The following GABRB3 variants were observed in gnomAD, a reference collection of about 807,000 sequenced individuals.
GABRB3 encodes gamma-aminobutyric acid receptor subunit beta-3.
In GABRB3, 14 loss-of-function variants were observed where a neutral mutation model predicts 52.1. That is an observed-to-expected ratio of 0.27 (90% CI 0.18 to 0.42). The LOEUF is 0.42. GABRB3 is among the 10% of genes least tolerant of loss of function. GABRB3 has a pLI of 1.00. For synonymous variants in GABRB3, 260 were observed against 232.3 expected (o/e 1.12, Z -1.08); for missense variants, 307 against 609.1 (o/e 0.50, Z 5.22).
At chr15:26,595,476 T>A (rs1183660973) in intron 4 of GABRB3, among the ~76,000 whole-genome samples, 3 of 152,290 alleles carry the variant, frequency 2.0e-5, no homozygotes, top group South Asian at 2.1e-4. Flanking sequence ...TATAGCTTTT[T>A]TCTTGATTGG....
At chr15:26,643,474 T>C (rs964989324) in intron 3 of GABRB3, among the ~76,000 whole-genome samples, 6 of 152,132 alleles carry the variant, frequency 3.9e-5, no homozygotes, top group African/African-American at 1.2e-4. Context: ...AGCCAAAGGG[T>C]AGTTTTCAAC....
intron 3 of GABRB3, 74 bp downstream of exon 3, chr15:26,772,328 A>T: frequency 7.4e-7 from 1 of 1,342,908 alleles, no homozygotes; most frequent in East Asian, 2.5e-5. Flanking sequence ...CCTCCGGCCC[A>T]GCACTGTGGA....
At chr15:26,685,661 T>C (rs1209519197) in intron 3 of GABRB3, among the ~76,000 whole-genome samples, 2 of 152,108 alleles carry the variant, frequency 1.3e-5, no homozygotes, top group Non-Finnish European at 2.9e-5. Context: ...TATGAAACAG[T>C]TTATTCAAAA....
At chr15:26,554,106 G>GTATA (rs59076608) in intron 8 of GABRB3, among the ~76,000 whole-genome samples, 1 of 65,380 alleles carries the variant, frequency 1.5e-5, no homozygotes, top group Admixed American at 2.2e-4. Context: ...TAAAGTGTGT[G>GTATA]TATATATATA....
chr15:26,618,099 TTTATA>T (rs1892331189), intron 4 of GABRB3, among the ~76,000 whole-genome samples: 1 of 152,048 alleles, frequency 6.6e-6, no homozygotes, highest in South Asian at 2.1e-4. Context: ...CCCAAGGTAA[TTTATA>T]GATTCAATGC....
intron 3 of GABRB3, among the ~76,000 whole-genome samples, chr15:26,674,373 C>T (rs560332568): frequency 7.5e-6 from 1 of 132,756 alleles, no homozygotes; most frequent in African/African-American, 3.0e-5. Flanking sequence ...TGCACTCCAG[C>T]CTGGGTGACA....
intron 3 of GABRB3, chr15:26,666,787 T>G (rs1431932360): frequency 6.6e-6 from 1 of 152,246 alleles, no homozygotes; most frequent in East Asian, 1.9e-4. Context: ...TAGGACACAT[T>G]TAGCCAGAGT....
chr15:26,594,531 C>CT (rs1258396925), intron 4 of GABRB3, among the ~76,000 whole-genome samples: 22 of 152,314 alleles, frequency 1.4e-4, no homozygotes, highest in Middle Eastern at 3.4e-3. Flanking sequence ...CAATCCCACT[C>CT]TATTGCCTAG....
At chr15:26,768,425 A>C (rs1383374722) in intron 3 of GABRB3, among the ~76,000 whole-genome samples, 1 of 152,192 alleles carries the variant, frequency 6.6e-6, no homozygotes, top group African/African-American at 2.4e-5. Context: ...ATTTTAATAA[A>C]TTTTTTAAAA....
In GABRB3 at chr15:26,560,955, G is replaced by A. The variant is rs775988401; in HGVS notation, c.1057C>T (p.Arg353Cys). The change falls in exon 8 of 9, where the codon CGT (arginine) becomes TGT (cysteine). Residue 353 changes from arginine to cysteine, a missense_variant. Transcript: ENST00000311550. ...AEKTAKAKND[R>C]SKSESNRVDA... ...ACCCGGTTGCTTTCGCTCTTTGAAC[G>A]GTCATTCTTTGCCTTGGCTGTCTTT... The A allele has an allele frequency of 1.9e-5, 30 of 1,613,864 alleles. No homozygotes were observed. Among genetic ancestry groups the A allele is most frequent in the Admixed American group, 1.2e-4 (7 of 60,000 alleles).
chr15:26,558,067 G>A (rs979891594), intron 8 of GABRB3: 1 of 152,164 alleles, frequency 6.6e-6, no homozygotes, highest in Non-Finnish European at 1.5e-5. Context: ...GTGTGGATAC[G>A]TGTGCCTCTG....
intron 3 of GABRB3, among the ~76,000 whole-genome samples, chr15:26,702,041 T>C (rs1056867500): frequency 2.6e-5 from 4 of 152,112 alleles, no homozygotes; most frequent in African/African-American, 9.7e-5. Flanking sequence ...AAAACATCCA[T>C]ACCCCAAAAA....
intron 3 of GABRB3, among the ~76,000 whole-genome samples, chr15:26,731,455 C>T (rs1215964686): frequency 6.6e-6 from 1 of 152,146 alleles, no homozygotes; most frequent in Non-Finnish European, 1.5e-5. Context: ...GGAGTCCATA[C>T]AGAGGAGGTT....
rs1342394579 is a variant in GABRB3, at chr15:26,554,201, A to T, written c.1081-6067T>A. Among the ~76,000 whole-genome samples the T allele has an allele frequency of 1.0e-3, 94 of 89,940 alleles. 8 individuals are homozygous for T. Among genetic ancestry groups the T allele is most frequent in the South Asian group, 2.7e-3 (7 of 2,616 alleles). 59.0% of individuals were successfully genotyped at this position (89,940 alleles called of 152,430 possible). A position where few individuals can be genotyped will look rare whatever the true frequency, so the allele number is the denominator to read the frequency against. Reference sequence around the variant, plus strand: ...GTATATATATATATACTATATATATATATATATAGTAGAAACAAGGTCTCT... The same window carrying T: ...GTATATATATATATACTATATATATTTATATATAGTAGAAACAAGGTCTCT... On this transcript the variant is annotated intron_variant, in intron 8 of 8. Transcript: ENST00000311550.
chr15:26,566,103 C>A (rs1196788328), intron 7 of GABRB3, among the ~76,000 whole-genome samples: 1 of 152,104 alleles, frequency 6.6e-6, no homozygotes, highest in Admixed American at 6.5e-5. Context: ...GGAAGATCTG[C>A]AGGCTGTAGA....
intron 4 of GABRB3, among the ~76,000 whole-genome samples, chr15:26,586,668 G>C (rs971430481): frequency 2.6e-5 from 3 of 113,238 alleles, no homozygotes; most frequent in African/African-American, 9.3e-5. Flanking sequence ...GGGCGACAAA[G>C]TGAGTAAGAC....
rs79696123 is a variant in GABRB3, at chr15:26,656,705, G to A, written c.241-35171C>T. On this transcript the variant is annotated intron_variant, in intron 3 of 8. Coordinates refer to ENST00000311550, the MANE Select transcript of GABRB3 (RefSeq NM_000814.6). The stretch of plus-strand genomic sequence containing the variant: ...AGGTTGCACACTCCTTATGAGAGTC[G>A]AATGCCTGATGATCTGAGGTGGAAT... Among the ~76,000 whole-genome samples, 1,302 of 152,260 alleles carry A rather than the reference G, an allele frequency of 8.6e-3. 16 individuals are homozygous for A. Among genetic ancestry groups the A allele is most frequent in the African/African-American group, 0.03 (1,235 of 41,536 alleles).
intron 3 of GABRB3, among the ~76,000 whole-genome samples, chr15:26,730,596 G>T (rs534738779): frequency 4.9e-4 from 74 of 152,256 alleles, no homozygotes; most frequent in African/African-American, 7.2e-4. Flanking sequence ...CCAGGGTGGG[G>T]CTGGGTCCTT....
chr15:26,561,564 C>T (rs1889989407), intron 7 of GABRB3, among the ~76,000 whole-genome samples: 1 of 152,202 alleles, frequency 6.6e-6, no homozygotes, highest in Admixed American at 6.5e-5. Context: ...TAGCATAAAG[C>T]ACAAAGTGTC....
Sources: allele counts gnomAD v4.1 joint callset (sites outside exome capture counted in the v4.1 genomes callset), GRCh38; gene constraint gnomAD v4.1.1; transcripts MANE v1.5; gene names NCBI Gene and HGNC (gene_info 2026-07-23, HGNC 2026-07-21).